ADCY1: variants seen among roughly 807,000 people sequenced by gnomAD.
ADCY1 encodes adenylate cyclase 1.
A neutral mutation model predicts 105.4 loss-of-function variants in ADCY1; 28 were observed. That is an observed-to-expected ratio of 0.27 (90% CI 0.20 to 0.36). The LOEUF (loss-of-function observed/expected upper bound fraction) is 0.36, where lower values mean the gene tolerates loss of function less well. Ranked by LOEUF, ADCY1 falls within the 10% of genes least tolerant of loss-of-function variation. ADCY1 has a pLI of 1.00. For missense variants in ADCY1, 977 were observed against 1,434.2 expected, an observed-to-expected ratio of 0.68 and a Z score of 5.15; for synonymous variants, 655 against 623.8, an observed-to-expected ratio of 1.05 and a Z score of -0.75.
At chr7:45,593,536 T>C (rs1792987009) in intron 2 of ADCY1, among the ~76,000 whole-genome samples, 1 of 152,178 alleles carries the variant, frequency 6.6e-6, no homozygotes, top group Non-Finnish European at 1.5e-5. Flanking sequence ...GTGCTCTCTG[T>C]CTGCTGCGCG....
In ADCY1 at chr7:45,574,648, G is replaced by A. The variant is rs892544804; in HGVS notation, c.105G>A (p.Ala35=). Residue 35 remains alanine, a synonymous_variant, in exon 1 of 20, where the codon GCG becomes GCA. Transcript: ENST00000297323. This position sits in a 1 kb window ranked among gnomAD's most constrained non-coding sequence, Gnocchi z 7.0. The stretch of plus-strand genomic sequence containing the variant: ...CAAGCCGCCGGCGCGGGCTCCGGGC[G>A]TGCGACGAGGAGTTCGCTTGCCCAG... The part of the protein sequence containing the change: ...AGTSRRRGLR[A]CDEEFACPEL... 17 of 1,289,302 alleles carry A rather than the reference G, an allele frequency of 1.3e-5. No homozygotes were observed. In the African/African-American group the frequency reaches 2.7e-4, roughly 20 times the overall value. 79.9% of individuals were successfully genotyped at this position (1,289,302 alleles called of 1,614,324 possible).
intron 5 of ADCY1, among the ~76,000 whole-genome samples, chr7:45,656,601 T>C (rs886962883): frequency 6.6e-6 from 1 of 152,052 alleles, no homozygotes; most frequent in African/African-American, 2.4e-5. Context: ...AGTGGGGTTG[T>C]GTGGAGCAGG....
rs1785153325 is a variant in ADCY1 at position 45,707,995 on chromosome 7, A to G, written c.2818-355A>G. Among the ~76,000 whole-genome samples the G allele has an allele frequency of 2.6e-5, 4 of 152,086 alleles. No individual in the cohort carries two copies. The South Asian group carries it at 8.3e-4, about 32-fold the overall frequency. ...TCAATCTCAAGGAGGGAAATTGCCT[A>G]CTCCCTGGCATGCATCTCTGTCCTT... is the stretch of plus-strand genomic sequence containing the variant. On this transcript the variant is annotated intron_variant, in intron 17 of 19. Coordinates refer to ENST00000297323, the MANE Select transcript of ADCY1 (RefSeq NM_021116.4).
chr7:45,685,112 C>G (rs1784640009), intron 12 of ADCY1, 44 bp downstream of exon 12: 1 of 1,557,826 alleles, frequency 6.4e-7, no homozygotes, highest in Non-Finnish European at 8.9e-7. Flanking sequence ...CGGGAGAGGG[C>G]ATGGCATGGA....
intron 2 of ADCY1, among the ~76,000 whole-genome samples, chr7:45,595,572 T>G (rs921356754): frequency 6.6e-6 from 1 of 152,220 alleles, no homozygotes; most frequent in African/African-American, 2.4e-5. Context: ...ACATTCTGAC[T>G]TTCCTGGCAG....
At position 45,720,604 on chromosome 7, in the gene ADCY1, G is replaced by A. The variant is rs1785454853; in HGVS notation, c.*6609G>A. 1 of 151,988 alleles carries A rather than the reference G, an allele frequency of 6.6e-6. No individual in the cohort carries two copies. Among genetic ancestry groups the A allele is most frequent in the South Asian group, 2.1e-4 (1 of 4,820 alleles). The allele number at this position is 151,988 out of a possible 1,614,324, so 9.4% of individuals were successfully genotyped here. On this transcript the variant is annotated 3_prime_UTR_variant, in exon 20 of 20. Coordinates refer to ENST00000297323, the MANE Select transcript of ADCY1 (RefSeq NM_021116.4). ...TGCTGTGTTTTTGTACCTGACAGGG[G>A]TCACTCATTTTAGGCACAACTCCTT...
chr7:45,704,616 G>GGTGA lies in ADCY1; in HGVS notation c.2817+4_2817+7dup, dbSNP rs1402053110. ...GGCTAGCGCCCACCTCGGGGACCAA[G>GGTGA]GTGAGTGCAGCCTGGCGCTGCCTGC... On this transcript the variant is annotated frameshift_variant and splice_region_variant. Transcript: ENST00000297323. LOFTEE classifies it high-confidence loss of function. 6.2e-6 allele frequency: 10 copies of GGTGA among 1,613,616 alleles called. No homozygotes were observed. The highest frequency in any genetic ancestry group is 3.3e-5 in the South Asian group (3 of 91,068).
intron 19 of ADCY1, among the ~76,000 whole-genome samples, chr7:45,711,609 A>G (rs540521115): frequency 1.0e-3 from 9 of 8,954 alleles, no homozygotes; most frequent in East Asian, 0.01. Flanking sequence ...TTCGTGCTGT[A>G]TATATATATA....
chr7:45,596,505 C>A lies in ADCY1; in HGVS notation c.789+3597C>A, dbSNP rs75412308. Among the ~76,000 whole-genome samples the A allele has an allele frequency of 7.9e-3, 1,205 of 152,142 alleles. 66 individuals carry two copies. The East Asian group carries it at 0.12, about 16-fold the overall frequency. On this transcript the variant is annotated intron_variant, in intron 2 of 19. Transcript: ENST00000297323. ...CTAAGAGGGGATCTGGGGGACACAC[C>A]TTGGTTTCGGGATGGGATCTAGAGG...
intron 19 of ADCY1, among the ~76,000 whole-genome samples, chr7:45,711,869 A>G (rs1562735862): frequency 1.7e-5 from 2 of 120,456 alleles, no homozygotes; most frequent in Non-Finnish European, 3.3e-5. Context: ...TTATTAATAT[A>G]TATTAAATAT....
intron 17 of ADCY1, among the ~76,000 whole-genome samples, chr7:45,704,865 A>C (rs1785080839): frequency 6.6e-6 from 1 of 151,234 alleles, no homozygotes; most frequent in South Asian, 2.1e-4. Context: ...TCCCCCTAGA[A>C]CCCTCACCCT....
intron 2 of ADCY1, among the ~76,000 whole-genome samples, chr7:45,595,970 C>T (rs1370921006): frequency 6.6e-6 from 1 of 152,244 alleles, no homozygotes; most frequent in Non-Finnish European, 1.5e-5. Context: ...GTGCAGGGAG[C>T]CTTGTCTCTT....
At chr7:45,638,742 A>G (rs971227860) in intron 4 of ADCY1, among the ~76,000 whole-genome samples, 4 of 151,756 alleles carry the variant, frequency 2.6e-5, no homozygotes, top group Non-Finnish European at 5.9e-5. Context: ...TATGGCAGCA[A>G]TGGAGCATGT....
Position 45,637,626 on chromosome 7 carries a change from G to C in ADCY1, c.1021-11044G>C, listed in dbSNP as rs532377237. ...TGTAGTCCTACTTATTTGGGAGGCT[G>C]AGGCAGGAGGATCGCTTGAGCCCAG... On this transcript the variant is annotated intron_variant, in intron 4 of 19. Transcript: ENST00000297323. 3.3e-5 allele frequency among the ~76,000 whole-genome samples: 5 copies of C among 152,358 alleles called. No individual in the cohort carries two copies. In the East Asian group the frequency reaches 9.6e-4, roughly 29 times the overall value.
At chr7:45,637,837 T>A (rs1326134086) in intron 4 of ADCY1, among the ~76,000 whole-genome samples, 1 of 152,272 alleles carries the variant, frequency 6.6e-6, no homozygotes, top group Non-Finnish European at 1.5e-5. Context: ...CTAAATTTTT[T>A]AAAATGTATT....
At chr7:45,675,241 A>C (rs112894743) in intron 8 of ADCY1, among the ~76,000 whole-genome samples, 1 of 152,118 alleles carries the variant, frequency 6.6e-6, no homozygotes, top group Non-Finnish European at 1.5e-5. Flanking sequence ...TTATTTTTAC[A>C]TAACATTACA....
At chr7:45,616,670 A>G (rs1793746859) in intron 3 of ADCY1, among the ~76,000 whole-genome samples, 1 of 152,210 alleles carries the variant, frequency 6.6e-6, no homozygotes, top group Non-Finnish European at 1.5e-5. Context: ...CCTCAACAAA[A>G]TAAAAGCTAT....
chr7:45,664,239 C>G (rs1584316544), intron 8 of ADCY1: 2 of 1,513,586 alleles, frequency 1.3e-6, no homozygotes, highest in African/African-American at 1.4e-5. Context: ...AAAATTTGGT[C>G]AAGCAGAGAA....
intron 4 of ADCY1, among the ~76,000 whole-genome samples, chr7:45,646,008 G>A (rs900094427): frequency 6.6e-6 from 1 of 151,996 alleles, no homozygotes; most frequent in African/African-American, 2.4e-5. Flanking sequence ...GAGGTGGCAA[G>A]GGCTGGGTGG....
Sources: gnomAD v4.1 joint callset for allele counts (sites outside exome capture counted in the v4.1 genomes callset) on GRCh38, gnomAD v4.1.1 for gene constraint, Gnocchi (gnomAD v3.1) non-coding constraint, MANE v1.5 for transcripts, NCBI Gene and HGNC (gene_info 2026-07-23, HGNC 2026-07-21) for gene names.